ASIC2: variants seen among roughly 807,000 people sequenced by gnomAD.
The protein encoded by ASIC2 is acid-sensing ion channel 2.
Under a neutral mutation model 57.3 loss-of-function variants are expected in ASIC2, and 25 were observed. The observed-to-expected ratio is 0.44, with a 90% confidence interval of 0.32 to 0.61. The LOEUF is 0.61. Ranked by LOEUF, ASIC2 falls within the 20% of genes least tolerant of loss-of-function variation. The pLI, the probability that ASIC2 is intolerant of heterozygous loss-of-function variation, is 0.06. For synonymous variants in ASIC2, 319 were observed against 307.5 expected (o/e 1.04, Z -0.39); for missense variants, 641 against 738.1 (o/e 0.87, Z 1.52).
chr17:33,624,331 T>C (rs966495253), intron 1 of ASIC2, among the ~76,000 whole-genome samples: 4 of 151,874 alleles, frequency 2.6e-5, no homozygotes, highest in African/African-American at 9.7e-5. Flanking sequence ...TGGAAAGAGA[T>C]GGTGGTGAAG....
rs1912109709 is a variant in ASIC2, at chr17:33,448,242, G to T, written c.556-336175C>A. ...TTTTGGCTAATCAGGCTGTGGCTGG[G>T]CTCCATTATATTTCAATTGCTCATC... On this transcript the variant is annotated intron_variant, in intron 1 of 9. Coordinates refer to the ASIC2 transcript ENST00000359872. Among the ~76,000 whole-genome samples, 4 of 152,096 alleles carry T rather than the reference G, an allele frequency of 2.6e-5. No individual in the cohort carries two copies. The South Asian group carries it at 8.3e-4, about 32-fold the overall frequency.
intron 7 of ASIC2, 57 bp downstream of exon 7, chr17:33,021,162 T>TTG: frequency 2.9e-6 from 2 of 693,994 alleles, no homozygotes; most frequent in Non-Finnish European, 2.6e-6. Flanking sequence ...CTGTGCATCC[T>TTG]CCCTCCCTCC....
intron 1 of ASIC2, among the ~76,000 whole-genome samples, chr17:33,598,154 A>C (rs187010068): frequency 4.6e-5 from 7 of 152,302 alleles, no homozygotes; most frequent in Admixed American, 3.9e-4. Flanking sequence ...AGAAATGACT[A>C]TTCATGAAAT....
intron 1 of ASIC2, among the ~76,000 whole-genome samples, chr17:33,888,700 C>G (rs66635051): frequency 6.6e-6 from 1 of 152,028 alleles, no homozygotes; most frequent in East Asian, 1.9e-4. Context: ...GTAGGTGCCC[C>G]TGGATGAGAA....
intron 1 of ASIC2, among the ~76,000 whole-genome samples, chr17:33,140,974 A>C (rs2142017465): frequency 6.6e-6 from 1 of 152,368 alleles, no homozygotes; most frequent in Non-Finnish European, 1.5e-5. Flanking sequence ...TGGGGCAGCT[A>C]AGCCTGAGCA....
At chr17:33,841,452 A>C (rs1913434442) in intron 1 of ASIC2, among the ~76,000 whole-genome samples, 1 of 152,260 alleles carries the variant, frequency 6.6e-6, no homozygotes, top group Non-Finnish European at 1.5e-5. Context: ...CAAGGCAGTT[A>C]GGCACAGGTG....
At chr17:34,079,679 G>A (rs1395650469) in intron 1 of ASIC2, among the ~76,000 whole-genome samples, 1 of 152,170 alleles carries the variant, frequency 6.6e-6, no homozygotes, top group Non-Finnish European at 1.5e-5. Flanking sequence ...AATGTCATAG[G>A]GTTGGCACTA....
chr17:33,166,813 G>A (rs146238830), intron 1 of ASIC2, among the ~76,000 whole-genome samples: 1 of 152,288 alleles, frequency 6.6e-6, no homozygotes, highest in Non-Finnish European at 1.5e-5. Flanking sequence ...AATGCATCTC[G>A]ACAACTCATC....
At chr17:33,458,361 C>G (rs1464604670) in intron 1 of ASIC2, among the ~76,000 whole-genome samples, 1 of 152,140 alleles carries the variant, frequency 6.6e-6, no homozygotes, top group Non-Finnish European at 1.5e-5. Flanking sequence ...TTGGGTAACT[C>G]AAGTAATTTA....
chr17:33,467,146 G>A (rs1292216447), intron 1 of ASIC2, among the ~76,000 whole-genome samples: 2 of 152,168 alleles, frequency 1.3e-5, no homozygotes, highest in African/African-American at 4.8e-5. Context: ...TTGCCATGTT[G>A]ACCAGGCTGG....
intron 1 of ASIC2, among the ~76,000 whole-genome samples, chr17:33,306,131 A>C (rs775617390): frequency 6.6e-6 from 1 of 152,240 alleles, no homozygotes; most frequent in Non-Finnish European, 1.5e-5. Context: ...TTTTCCCTGA[A>C]GGAATAAACG....
chr17:33,604,403 G>C (rs1905177350), intron 1 of ASIC2, among the ~76,000 whole-genome samples: 1 of 152,304 alleles, frequency 6.6e-6, no homozygotes, highest in Admixed American at 6.5e-5. Flanking sequence ...TGGGTGCCCT[G>C]TAAGCTTTGC....
chr17:33,528,807 G>A (rs17249607), intron 1 of ASIC2, among the ~76,000 whole-genome samples: 10,551 of 152,216 alleles, frequency 0.069, 585 homozygotes, highest in East Asian at 0.29. Context: ...CCTTCAGAGA[G>A]CTGATTAATT....
intron 1 of ASIC2, among the ~76,000 whole-genome samples, chr17:34,083,422 T>C (rs1286863412): frequency 2.6e-5 from 4 of 151,728 alleles, no homozygotes; most frequent in South Asian, 4.2e-4. Flanking sequence ...CAGTCTATCA[T>C]TGTTGGACAT....
chr17:33,377,360 T>C (rs933620771), intron 1 of ASIC2, among the ~76,000 whole-genome samples: 21 of 152,240 alleles, frequency 1.4e-4, no homozygotes, highest in Non-Finnish European at 7.3e-5. Context: ...TAGAAAGTTC[T>C]TTATTTAGAT....
chr17:33,235,248 T>TC (rs1384460668), intron 1 of ASIC2, among the ~76,000 whole-genome samples: 4 of 151,968 alleles, frequency 2.6e-5, no homozygotes, highest in Admixed American at 6.6e-5. Context: ...ACCTTCTCCC[T>TC]CCCCCTTCCC....
chr17:33,249,223 T>C (rs1036999952), intron 1 of ASIC2, among the ~76,000 whole-genome samples: 3 of 149,644 alleles, frequency 2.0e-5, no homozygotes, highest in Non-Finnish European at 4.5e-5. Context: ...TACAGAAGAC[T>C]GTGGGTGGAA....
At chr17:34,040,275 T>C (rs1297395349) in intron 1 of ASIC2, among the ~76,000 whole-genome samples, 1 of 149,206 alleles carries the variant, frequency 6.7e-6, no homozygotes, top group African/African-American at 2.5e-5. Context: ...TCGGAACCGC[T>C]GGTGCCCAGG....
chr17:33,881,788 G>A (rs1213482936), intron 1 of ASIC2, among the ~76,000 whole-genome samples: 1 of 152,078 alleles, frequency 6.6e-6, no homozygotes, highest in Non-Finnish European at 1.5e-5. Context: ...CCAAAAAAAA[G>A]CCCTCATTGC....
Sources: allele counts gnomAD v4.1 joint callset (sites outside exome capture counted in the v4.1 genomes callset), GRCh38; gene constraint gnomAD v4.1.1; transcripts MANE v1.5; gene names NCBI Gene and HGNC (gene_info 2026-07-23, HGNC 2026-07-21).